Variants in LRP12 observed in about 807,000 individuals in gnomAD.
The protein encoded by LRP12 is low-density lipoprotein receptor-related protein 12.
Under a neutral mutation model 66.0 loss-of-function variants are expected in LRP12, and 14 were observed. That is an observed-to-expected ratio of 0.21 (90% CI 0.14 to 0.33). The LOEUF (loss-of-function observed/expected upper bound fraction) is 0.33. LRP12 is among the 10% of genes least tolerant of loss of function. The probability of loss-of-function intolerance (pLI) is 1.00; values close to 1 mark genes in which losing one functional copy is unlikely to be tolerated. For missense variants in LRP12, 889 were observed against 1,053.4 expected (o/e 0.84, Z 2.16); for synonymous variants, 357 against 359.1 (o/e 0.99, Z 0.07).
chr8:104,541,142 A>G (rs142834203), intron 1 of LRP12, among the ~76,000 whole-genome samples: 83 of 152,366 alleles, frequency 5.4e-4, no homozygotes, highest in African/African-American at 1.9e-3. Context: ...AAATAAGGAT[A>G]TAATGACAAC....
chr8:104,547,395 T>C (rs1321948212), intron 1 of LRP12, among the ~76,000 whole-genome samples: 1 of 136,014 alleles, frequency 7.4e-6, no homozygotes, highest in East Asian at 2.1e-4. Context: ...TTGTATATAA[T>C]ATACAATTCT....
intron 3 of LRP12, 120 bp from the exon 4 acceptor site, chr8:104,499,639 C>G: frequency 1.6e-6 from 1 of 615,412 alleles, no homozygotes; most frequent in Non-Finnish European, 2.8e-6. Context: ...CCTGGGTTTT[C>G]TAGGCATACA....
chr8:104,588,863 C>T lies in LRP12; in HGVS notation c.35G>A (p.Arg12Gln), dbSNP rs1176172880. The T allele has an allele frequency of 1.9e-5, 30 of 1,611,800 alleles. No homozygotes were observed. Among genetic ancestry groups the T allele is most frequent in the Non-Finnish European group, 2.5e-5 (30 of 1,179,152 alleles). The change falls in exon 1 of 7, where the codon CGG becomes CAG. Residue 12 changes from arginine to glutamine, a missense_variant. Arg to Gln is a conservative substitution (Grantham distance 43, BLOSUM62 1). Transcript: ENST00000276654. ...ACRWSTKESPRWRSALLLLFL... is the reference protein window; with the variant it reads ...ACRWSTKESPQWRSALLLLFL... ...AAGCAAGAGCAACGCAGACCTCCAC[C>T]GCGGAGACTCTTTTGTGCTCCAGCG...
chr8:104,530,474 T>C (rs1266577022), intron 2 of LRP12, among the ~76,000 whole-genome samples: 1 of 152,142 alleles, frequency 6.6e-6, no homozygotes, highest in Admixed American at 6.6e-5. Flanking sequence ...GAGGACACAA[T>C]GAGAAGGTGG....
chr8:104,491,603 A>C (rs946020364), intron 6 of LRP12, 64 bp from the exon 7 acceptor site: 29 of 1,306,900 alleles, frequency 2.2e-5, no homozygotes, highest in Non-Finnish European at 2.9e-5. Context: ...AAAAAAAAAA[A>C]AACACCCTTC....
At chr8:104,499,651 C>T (rs1365983230) in intron 3 of LRP12, 132 bp from the exon 4 acceptor site, 1 of 578,278 alleles carries the variant, frequency 1.7e-6, no homozygotes, top group African/African-American at 1.9e-5. Context: ...AGGCATACAA[C>T]CGTATCATTA....
At chr8:104,537,565 A>G (rs528779282) in intron 1 of LRP12, among the ~76,000 whole-genome samples, 5 of 152,266 alleles carry the variant, frequency 3.3e-5, no homozygotes, top group South Asian at 2.1e-4. Flanking sequence ...CCCACACCTT[A>G]GGAGTAGAGC....
At chr8:104,532,359 C>A (rs1285250787) in intron 1 of LRP12, among the ~76,000 whole-genome samples, 1 of 146,558 alleles carries the variant, frequency 6.8e-6, no homozygotes, top group Non-Finnish European at 1.5e-5. Flanking sequence ...GTCAGGGCCA[C>A]ATATGTTGGT....
chr8:104,540,643 G>A (rs1303793509), intron 1 of LRP12, among the ~76,000 whole-genome samples: 2 of 152,054 alleles, frequency 1.3e-5, no homozygotes, highest in Non-Finnish European at 2.9e-5. Flanking sequence ...ATATGAACTA[G>A]CCTTGAACCT....
In LRP12 at chr8:104,552,712, T is replaced by C. The variant is rs141261133; in HGVS notation, c.80-20749A>G. Among the ~76,000 whole-genome samples the C allele has an allele frequency of 3.3e-3, 503 of 152,026 alleles. 3 individuals are homozygous for C. The highest frequency in any genetic ancestry group is 0.011 in the African/African-American group (460 of 41,482). On this transcript the variant is annotated intron_variant, in intron 1 of 6. Transcript: ENST00000276654. ...CACATAATTGATAAAAGTTATCCAATGTAAGAAAAAAAATGGTGCACAGGA... is the reference window on the plus strand; with the variant it reads ...CACATAATTGATAAAAGTTATCCAACGTAAGAAAAAAAATGGTGCACAGGA...
chr8:104,540,626 T>A (rs1241365329), intron 1 of LRP12, among the ~76,000 whole-genome samples: 10 of 152,216 alleles, frequency 6.6e-5, no homozygotes, highest in Non-Finnish European at 1.3e-4. Flanking sequence ...CCATCCATTA[T>A]GTATTTATAT....
At chr8:104,558,909 C>T (rs541621254) in intron 1 of LRP12, among the ~76,000 whole-genome samples, 1 of 152,214 alleles carries the variant, frequency 6.6e-6, no homozygotes, top group South Asian at 2.1e-4. Context: ...CAATGCAGTA[C>T]CACCTTACTC....
At chr8:104,566,579 T>C (rs2140891154) in intron 1 of LRP12, 1 of 152,868 alleles carries the variant, frequency 6.5e-6, no homozygotes, top group Middle Eastern at 3.4e-3. Flanking sequence ...ATTATGGTAA[T>C]ATGGTCTTGT....
chr8:104,545,833 T>A (rs926500372), intron 1 of LRP12, among the ~76,000 whole-genome samples: 1 of 152,214 alleles, frequency 6.6e-6, no homozygotes, highest in Middle Eastern at 3.2e-3. Flanking sequence ...GATGTATGCC[T>A]GTATATTACT....
chr8:104,570,266 G>C (rs1812058391), intron 1 of LRP12, among the ~76,000 whole-genome samples: 1 of 152,108 alleles, frequency 6.6e-6, no homozygotes, highest in Non-Finnish European at 1.5e-5. Context: ...ACATTTTGTA[G>C]ATAAAAGCAA....
chr8:104,545,958 C>T (rs1811550165), intron 1 of LRP12, among the ~76,000 whole-genome samples: 1 of 152,154 alleles, frequency 6.6e-6, no homozygotes, highest in African/African-American at 2.4e-5. Context: ...AAGTGACCTG[C>T]TTTACTCATA....
At chr8:104,529,129 G>A (rs2140860688) in intron 2 of LRP12, among the ~76,000 whole-genome samples, 2 of 152,262 alleles carry the variant, frequency 1.3e-5, no homozygotes, top group South Asian at 4.1e-4. Context: ...GAGTTAAAGA[G>A]TTAAAGTTAA....
At chr8:104,493,688 C>T (rs1425782515) in intron 6 of LRP12, among the ~76,000 whole-genome samples, 2 of 152,210 alleles carry the variant, frequency 1.3e-5, no homozygotes, top group Non-Finnish European at 2.9e-5. Context: ...GGATTGGCCA[C>T]ATGTGCAATT....
At chr8:104,504,581 A>C (rs1397137754) in intron 3 of LRP12, 1 of 152,224 alleles carries the variant, frequency 6.6e-6, no homozygotes, top group African/African-American at 2.4e-5. Context: ...ATATATTTCT[A>C]AACATACAGG....
Sources: allele counts gnomAD v4.1 joint callset (sites outside exome capture counted in the v4.1 genomes callset), GRCh38; gene constraint gnomAD v4.1.1; transcripts MANE v1.5; gene names NCBI Gene and HGNC (gene_info 2026-07-23, HGNC 2026-07-21).